The following SCARF2 variants were observed in gnomAD, a reference collection of about 807,000 sequenced individuals.
The protein encoded by SCARF2 is scavenger receptor expressed by endothelial cells 2 protein.
A neutral mutation model predicts 73.4 loss-of-function variants in SCARF2; 39 were observed. The ratio of observed to expected loss-of-function variants is 0.53; its 90% confidence interval spans 0.41 to 0.69. SCARF2 has a LOEUF of 0.69. SCARF2 is among the 30% of genes least tolerant of loss of function. The pLI, the probability that SCARF2 is intolerant of heterozygous loss-of-function variation, is 0.00. For missense variants in SCARF2, 1,148 were observed against 1,303.5 expected (o/e 0.88, Z 1.84); for synonymous variants, 605 against 590.0 (o/e 1.03, Z -0.37).
intron 10 of SCARF2, 34 bp from the exon 11 acceptor site, chr22:20,426,316 C>CA (rs1339332843): frequency 2.0e-6 from 3 of 1,530,658 alleles, no homozygotes; most frequent in African/African-American, 2.8e-5. Flanking sequence ...TCACAGCCTT[C>CA]AGGAATACCT....
chr22:20,429,290 A>T lies in SCARF2; in HGVS notation c.1475T>A (p.Phe492Tyr). Residue 492 changes from phenylalanine (F) to tyrosine (Y), a missense_variant, in exon 9 of 11, where the codon TTC becomes TAC. Phe to Tyr is a conservative substitution (Grantham distance 22). Around this residue, in one of 5 missense-constraint regions of SCARF2, gnomAD observed 437 missense variants for 433.6 expected, o/e 1.01. Transcript: ENST00000622235. This position sits in a 1 kb window ranked among gnomAD's most constrained non-coding sequence, Gnocchi z 5.2. ...KKAPHRLCGR[F>Y]SRISMKLPRI... ...GGGCAGCTTCATGCTGATGCGACTG[A>T]AGCGCCCGCATAGTCGGTGCGGCGC... is the stretch of plus-strand genomic sequence containing the variant. 6.2e-7 allele frequency: 1 copy of T among 1,613,420 alleles called. No homozygotes were observed. The highest frequency in any genetic ancestry group is 8.5e-7 in the Non-Finnish European group (1 of 1,179,942).
chr22:20,427,607 C>T (rs1330186387), intron 9 of SCARF2, 57 bp from the exon 10 acceptor site: 2 of 1,597,514 alleles, frequency 1.3e-6, no homozygotes, highest in African/African-American at 1.3e-5. Flanking sequence ...CCGGTGCCCT[C>T]ATTAGCCCCT....
chr22:20,431,871 G>A (rs2052653205), intron 2 of SCARF2, 25 bp from the exon 3 acceptor site: 2 of 1,596,518 alleles, frequency 1.3e-6, no homozygotes, highest in Non-Finnish European at 1.7e-6. Flanking sequence ...GGCCAGAGCT[G>A]CTGCGCGTCC....
At chr22:20,433,567 G>A (rs560100467) in intron 1 of SCARF2, among the ~76,000 whole-genome samples, 1 of 152,316 alleles carries the variant, frequency 6.6e-6, no homozygotes, top group Admixed American at 6.5e-5. Context: ...CCCTTGTACA[G>A]AGCACCTAGG....
chr22:20,426,029 G>A lies in SCARF2; in HGVS notation c.1947C>T (p.Pro649=), dbSNP rs372616288. 1.3e-4 allele frequency: 199 copies of A among 1,578,734 alleles called. No individual in the cohort carries two copies. Among genetic ancestry groups the A allele is most frequent in the Non-Finnish European group, 1.6e-4 (187 of 1,170,604 alleles). Residue 649 remains proline, a synonymous_variant, in exon 11 of 11, where the codon CCC becomes CCT. Coordinates refer to ENST00000622235, the MANE Select transcript of SCARF2 (RefSeq NM_182895.5). The part of the protein sequence containing the change: ...EIGGLSLSPS[P]ERRKPPPPDP... ...CAGGTGGCGGCGGTTTCCTGCGCTC[G>A]GGCGATGGCGACAGCGACAGGCCCC...
At position 20,425,251 on chromosome 22, in the gene SCARF2, A is replaced by T; in HGVS notation, c.*124T>A. ...GCAGGACCTGAGCCAATGAGACGCA[A>T]CCTCCGCTAGCCGCGCGGTGCCCGG... is the stretch of plus-strand genomic sequence containing the variant. On this transcript the variant is annotated 3_prime_UTR_variant, in exon 11 of 11. Transcript: ENST00000622235. This position sits in a 1 kb window ranked among gnomAD's most constrained non-coding sequence, Gnocchi z 4.6. 1.2e-6 allele frequency: 1 copy of T among 815,030 alleles called. No individual in the cohort carries two copies. Among genetic ancestry groups the T allele is most frequent in the Non-Finnish European group, 1.7e-6 (1 of 591,544 alleles). The allele number at this position is 815,030 out of a possible 1,614,324, so 50.5% of individuals were successfully genotyped here. A position where few individuals can be genotyped will look rare whatever the true frequency, so the allele number is the denominator to read the frequency against.
chr22:20,429,234 T>C lies in SCARF2; in HGVS notation c.1531A>G (p.Lys511Glu). 1.2e-6 allele frequency: 2 copies of C among 1,613,894 alleles called. No individual in the cohort carries two copies. Among genetic ancestry groups the C allele is most frequent in the Non-Finnish European group, 1.7e-6 (2 of 1,179,996 alleles). Reference protein sequence around the residue: ...RIPLRRQKLPKVVVAHHDLDN... With the variant: ...RIPLRRQKLPEVVVAHHDLDN... ...GCGCTGTCATCCTTACCTACGACTT[T>C]GGGTAGTTTCTGCCTCCGGAGCGGG... Residue 511 changes from lysine to glutamate, a missense_variant, in exon 9 of 11, where the codon AAA (lysine) becomes GAA (glutamate). Physicochemically the swap from Lys to Glu is moderately conservative, Grantham distance 56. This residue lies in a region of SCARF2 where 437 missense variants were observed against 433.6 expected (regional missense o/e 1.01). Transcript: ENST00000622235. This position sits in a 1 kb window ranked among gnomAD's most constrained non-coding sequence, Gnocchi z 5.2.
chr22:20,431,964 A>G lies in SCARF2; in HGVS notation c.198T>C (p.Ala66=), dbSNP rs769523994. 3.7e-5 allele frequency: 56 copies of G among 1,524,162 alleles called. No individual in the cohort carries two copies. The highest frequency in any genetic ancestry group is 4.5e-5 in the Non-Finnish European group (51 of 1,136,324). 94.4% of individuals were successfully genotyped at this position (1,524,162 alleles called of 1,614,324 possible). A position where few individuals can be genotyped will look rare whatever the true frequency, so the allele number is the denominator to read the frequency against. The change falls in exon 2 of 11, where the codon GCT becomes GCC. Residue 66 remains alanine, a synonymous_variant. Coordinates refer to ENST00000622235, the MANE Select transcript of SCARF2 (RefSeq NM_182895.5). ...ACTCGTCCCCTTGCTGCCTCCAGCCAGCGCAGCACGTGGGCACCTGGGAGC... is the reference window on the plus strand; with the variant it reads ...ACTCGTCCCCTTGCTGCCTCCAGCCGGCGCAGCACGTGGGCACCTGGGAGC... ...APGSQVPTCC[A]GWRQQGDECG...
At chr22:20,434,747 T>C (rs993015338) in intron 1 of SCARF2, among the ~76,000 whole-genome samples, 1 of 152,220 alleles carries the variant, frequency 6.6e-6, no homozygotes, top group Admixed American at 6.5e-5. Flanking sequence ...TTCTCCCTCG[T>C]AGAGCATTAG....
chr22:20,436,585 C>A (rs1164673238), intron 1 of SCARF2, among the ~76,000 whole-genome samples: 1 of 151,946 alleles, frequency 6.6e-6, no homozygotes, highest in Non-Finnish European at 1.5e-5. Context: ...TCTCTGGCGC[C>A]GAGCCCCTGG....
intron 1 of SCARF2, among the ~76,000 whole-genome samples, chr22:20,436,527 TCCGGA>T (rs1036470487): frequency 7.3e-5 from 11 of 151,326 alleles, no homozygotes; most frequent in Non-Finnish European, 1.2e-4. Context: ...TCTGCGCGCC[TCCGGA>T]CCAGAGTTCG....
intron 1 of SCARF2, among the ~76,000 whole-genome samples, chr22:20,436,229 C>T (rs1415183152): frequency 1.3e-5 from 2 of 152,346 alleles, no homozygotes; most frequent in Middle Eastern, 3.4e-3. Context: ...GGGAGGTCTG[C>T]AGACCAGGGG....
rs76472118 is a variant in SCARF2 at position 20,427,438 on chromosome 22, G to A, written c.1653C>T (p.Asp551=). The change falls in exon 10 of 11, where the codon GAC becomes GAT. Residue 551 remains aspartate (D), a synonymous_variant. Coordinates refer to ENST00000622235, the MANE Select transcript of SCARF2 (RefSeq NM_182895.5). The stretch of plus-strand genomic sequence containing the variant: ...AGTACACAGGGCCTTCATCAGTGGT[G>A]TCAAACGAGGAGAAGGAGGCCCGAG... The part of the protein sequence containing the change: ...WSSRASFSSF[D]TTDEGPVYCV... The A allele has an allele frequency of 2.6e-3, 4,140 of 1,614,176 alleles. 51 individuals are homozygous for A. The highest frequency in any genetic ancestry group is 0.017 in the South Asian group (1,552 of 91,070).
At chr22:20,436,267 G>T (rs1411823205) in intron 1 of SCARF2, among the ~76,000 whole-genome samples, 8 of 152,176 alleles carry the variant, frequency 5.3e-5, no homozygotes, top group Admixed American at 5.2e-4. Flanking sequence ...CTCAGGCTCC[G>T]GACAGCTAGA....
At chr22:20,427,330 C>A in intron 10 of SCARF2, 68 bp downstream of exon 10, 2 of 1,584,832 alleles carry the variant, frequency 1.3e-6, no homozygotes, top group South Asian at 2.2e-5. Flanking sequence ...GTGTCCCACC[C>A]AGAACACAGC....
At position 20,425,812 on chromosome 22, in the gene SCARF2, G is replaced by C; in HGVS notation, c.2164C>G (p.Arg722Gly). 6.5e-7 allele frequency: 1 copy of C among 1,527,130 alleles called. No individual in the cohort carries two copies. The highest frequency in any genetic ancestry group is 1.4e-5 in the African/African-American group (1 of 69,862). The allele number at this position is 1,527,130 out of a possible 1,614,324, so 94.6% of individuals were successfully genotyped here. A position where few individuals can be genotyped will look rare whatever the true frequency, so the allele number is the denominator to read the frequency against. Residue 722 changes from arginine to glycine, a missense_variant, in exon 11 of 11, where the codon CGG (arginine) becomes GGG (glycine). Arg to Gly is a moderately radical substitution (Grantham distance 125). This residue lies in a region of SCARF2 where 437 missense variants were observed against 433.6 expected (regional missense o/e 1.01). Transcript: ENST00000622235. This position sits in a 1 kb window ranked among gnomAD's most constrained non-coding sequence, Gnocchi z 4.6. Reference protein sequence around the residue: ...GSPRTRDPTPRPPGLPEEATA... With the variant: ...GSPRTRDPTPGPPGLPEEATA... ...GCCTCCTCGGGCAGCCCGGGGGGCC[G>C]CGGCGTTGGGTCGCGGGTCCGGGGG...
intron 1 of SCARF2, 103 bp from the exon 2 acceptor site, chr22:20,432,091 T>G: frequency 8.4e-7 from 1 of 1,193,174 alleles, no homozygotes; most frequent in South Asian, 1.3e-5. Context: ...CCTCTGCAGT[T>G]GCGCTCCTGT....
chr22:20,431,395 C>T lies in SCARF2; in HGVS notation c.477G>A (p.Gln159=), dbSNP rs1274953970. Residue 159 remains glutamine (Q), a synonymous_variant, in exon 4 of 11, where the codon CAG becomes CAA. Coordinates refer to ENST00000622235, the MANE Select transcript of SCARF2 (RefSeq NM_182895.5). ...CGCTCCGCGGGTGGCACGTGCCGTG[C>T]TGGCACTGGCACGCATGCTCGCAGC... The part of the protein sequence containing the change: ...GARCEHACQC[Q]HGTCHPRSGA... 1 of 1,532,588 alleles carries T rather than the reference C, an allele frequency of 6.5e-7. No individual in the cohort carries two copies. Among genetic ancestry groups the T allele is most frequent in the Non-Finnish European group, 8.7e-7 (1 of 1,145,404 alleles). 94.9% of individuals were successfully genotyped at this position (1,532,588 alleles called of 1,614,324 possible). A position where few individuals can be genotyped will look rare whatever the true frequency, so the allele number is the denominator to read the frequency against.
Position 20,429,539 on chromosome 22 carries a change from C to T in SCARF2, c.1421G>A (p.Arg474His), listed in dbSNP as rs1264870392. The stretch of plus-strand genomic sequence containing the variant: ...GCGGGGCAGTATCTGGGCTCACCGG[C>T]GCGTAGGGTCCTTGCCGCGGCAAGC... Reference protein sequence around the residue: ...CCACRGKDPTRRELSLGRKKA... With the variant: ...CCACRGKDPTHRELSLGRKKA... The change falls in exon 8 of 11, where the codon CGC (arginine) becomes CAC (histidine). Residue 474 changes from arginine (R) to histidine (H), a missense_variant. By Grantham distance (29) the Arg-to-His change is conservative (BLOSUM62 0). Transcript: ENST00000622235. This position sits in a 1 kb window ranked among gnomAD's most constrained non-coding sequence, Gnocchi z 5.2. 1 of 1,612,592 alleles carries T rather than the reference C, an allele frequency of 6.2e-7. No individual in the cohort carries two copies.
Sources: gnomAD v4.1 joint callset for allele counts (sites outside exome capture counted in the v4.1 genomes callset) on GRCh38, gnomAD v4.1.1 for gene constraint, gnomAD v4.1.1 regional missense constraint, Gnocchi (gnomAD v3.1) non-coding constraint, MANE v1.5 for transcripts, NCBI Gene and HGNC (gene_info 2026-07-23, HGNC 2026-07-21) for gene names.